CACNA1C: variants seen among roughly 807,000 people sequenced by gnomAD.
CACNA1C encodes the protein calcium voltage-gated channel subunit alpha1 C.
CACNA1C carries 30 observed loss-of-function variants against 229.0 expected under a neutral mutation model. That is an observed-to-expected ratio of 0.13 (90% CI 0.10 to 0.18). The LOEUF (loss-of-function observed/expected upper bound fraction) is 0.18, where lower values mean the gene tolerates loss of function less well. Ranked by LOEUF, CACNA1C falls within the 10% of genes least tolerant of loss-of-function variation. The probability of loss-of-function intolerance (pLI) is 1.00; values close to 1 mark genes in which losing one functional copy is unlikely to be tolerated. For synonymous variants in CACNA1C, 1,114 were observed against 1,132.5 expected, an observed-to-expected ratio of 0.98 and a Z score of 0.33; for missense variants, 1,658 against 2,845.0, an observed-to-expected ratio of 0.58 and a Z score of 9.49.
chr12:2,540,226 G>A (rs1307748381), intron 9 of CACNA1C, among the ~76,000 whole-genome samples: 2 of 152,140 alleles, frequency 1.3e-5, no homozygotes, highest in Admixed American at 6.5e-5. Flanking sequence ...GTGGGTCTGA[G>A]GACAGACTCT....
intron 1 of CACNA1C, among the ~76,000 whole-genome samples, chr12:2,098,966 A>G (rs555058419): frequency 6.6e-6 from 1 of 152,326 alleles, no homozygotes; most frequent in South Asian, 2.1e-4. Flanking sequence ...AGCACTGCTC[A>G]CCGTGTGAGG....
chr12:2,508,442 G>A (rs2099776570), intron 8 of CACNA1C, among the ~76,000 whole-genome samples: 1 of 152,226 alleles, frequency 6.6e-6, no homozygotes, highest in African/African-American at 2.4e-5. Flanking sequence ...GCGAAGCTAG[G>A]AGTTTGAGAT....
At chr12:2,489,232 A>T (rs1478474808) in intron 6 of CACNA1C, among the ~76,000 whole-genome samples, 1 of 152,166 alleles carries the variant, frequency 6.6e-6, no homozygotes, top group Non-Finnish European at 1.5e-5. Context: ...TTTACATCAA[A>T]TTCTTTTTAT....
intron 10 of CACNA1C, among the ~76,000 whole-genome samples, chr12:2,554,019 A>G (rs4765955): frequency 0.89 from 135,286 of 152,232 alleles, 60,627 homozygotes; most frequent in Non-Finnish European, 0.95. Flanking sequence ...TCTGACTTAT[A>G]TTAAAGGCGA....
chr12:2,597,035 G>A lies in CACNA1C; in HGVS notation c.2794-195G>A, dbSNP rs1004478222. The stretch of plus-strand genomic sequence containing the variant: ...GAAGCCGCTGTGCTGCCTGAGGCTA[G>A]CCCCGCCTCAGGATGTCTGTGTGTG... On this transcript the variant is annotated intron_variant, in intron 20 of 46. Transcript: ENST00000399655. This position sits in a 1 kb window ranked among gnomAD's most constrained non-coding sequence, Gnocchi z 4.3. 4.6e-5 allele frequency among the ~76,000 whole-genome samples: 7 copies of A among 152,114 alleles called. No individual in the cohort carries two copies. Among genetic ancestry groups the A allele is most frequent in the Admixed American group, 3.9e-4 (6 of 15,274 alleles).
At position 2,522,562 on chromosome 12, in the gene CACNA1C, T is replaced by A. The variant is rs140031233; in HGVS notation, c.1390+9578T>A. ...TTTGGAAGGAGTTAGAATTATATAG[T>A]CCCAGGAGAAGAGAAAGCCGGGAGT... On this transcript the variant is annotated intron_variant, in intron 9 of 46. Coordinates refer to ENST00000399655, the MANE Select transcript of CACNA1C (RefSeq NM_000719.7). Among the ~76,000 whole-genome samples the A allele has an allele frequency of 2.1e-3, 327 of 152,108 alleles. 1 individual carries two copies. The highest frequency in any genetic ancestry group is 7.6e-3 in the African/African-American group (316 of 41,486).
intron 3 of CACNA1C, among the ~76,000 whole-genome samples, chr12:2,375,251 A>G (rs1567315524): frequency 6.6e-6 from 1 of 152,188 alleles, no homozygotes; most frequent in Non-Finnish European, 1.5e-5. Context: ...AAGGGCTGGC[A>G]TCTTCCCTGT....
intron 11 of CACNA1C, among the ~76,000 whole-genome samples, chr12:2,560,466 G>C (rs4765962): frequency 0.86 from 130,425 of 152,204 alleles, 56,252 homozygotes; most frequent in Non-Finnish European, 0.91. Context: ...TGGTAATCCA[G>C]GTTTTCACTT....
At chr12:2,604,757 T>C (rs1049858526) in intron 22 of CACNA1C, among the ~76,000 whole-genome samples, 2 of 152,246 alleles carry the variant, frequency 1.3e-5, no homozygotes, top group Non-Finnish European at 2.9e-5. Flanking sequence ...TGAATTCCCA[T>C]GGCCTTGCTC....
chr12:2,337,933 C>G (rs937256535), intron 3 of CACNA1C, among the ~76,000 whole-genome samples: 1 of 152,190 alleles, frequency 6.6e-6, no homozygotes, highest in Non-Finnish European at 1.5e-5. Context: ...CTGTAGTATC[C>G]CACAGGCAGC....
intron 1 of CACNA1C, among the ~76,000 whole-genome samples, chr12:2,005,813 A>T (rs538917657): frequency 3.6e-4 from 55 of 152,388 alleles, no homozygotes; most frequent in African/African-American, 1.2e-3. Context: ...TTTTTAATGT[A>T]ACAGTATGAA....
At position 2,136,136 on chromosome 12, in the gene CACNA1C, G is replaced by A. The variant is rs531791215; in HGVS notation, c.477+15706G>A. Among the ~76,000 whole-genome samples, 218 of 151,528 alleles carry A rather than the reference G, an allele frequency of 1.4e-3. 9 individuals carry two copies. The highest frequency in any genetic ancestry group is 2.2e-3 in the Non-Finnish European group (147 of 67,662). On this transcript the variant is annotated intron_variant, in intron 3 of 46. Transcript: ENST00000399655. Reference sequence around the variant, plus strand: ...ACTCCCTGACCGCTTGCGCTTCCCAGGTGAGGCAATGCCTCGCCCTGCTTT... The same window carrying A: ...ACTCCCTGACCGCTTGCGCTTCCCAAGTGAGGCAATGCCTCGCCCTGCTTT...
chr12:2,194,039 G>A (rs867889231), intron 3 of CACNA1C, among the ~76,000 whole-genome samples: 21 of 152,156 alleles, frequency 1.4e-4, no homozygotes, highest in Middle Eastern at 6.8e-3. Context: ...TGGACCCCAG[G>A]CAGTAAGAGG....
rs1437448208 is a variant in CACNA1C, at chr12:2,651,723, G to A, written c.4029G>A (p.Gly1343=). 1 of 1,613,822 alleles carries A rather than the reference G, an allele frequency of 6.2e-7. No individual in the cohort carries two copies. The highest frequency in any genetic ancestry group is 8.5e-7 in the Non-Finnish European group (1 of 1,179,804). The part of the protein sequence containing the change: ...VMRLVKLLSR[G]EGIRTLLWTF... The stretch of plus-strand genomic sequence containing the variant: ...GTCTGGTGAAGCTGCTGAGCCGTGG[G>A]GAGGGCATCCGGACGCTGCTGTGGA... The change falls in exon 32 of 47, where the codon GGG becomes GGA. Residue 1343 remains glycine, a synonymous_variant. Transcript: ENST00000399655. This position sits in a 1 kb window ranked among gnomAD's most constrained non-coding sequence, Gnocchi z 5.4.
intron 3 of CACNA1C, among the ~76,000 whole-genome samples, chr12:2,176,621 G>A (rs1179203986): frequency 6.6e-6 from 1 of 152,008 alleles, no homozygotes; most frequent in Non-Finnish European, 1.5e-5. Context: ...GGTTCTCTGT[G>A]CATGTGGCAT....
intron 1 of CACNA1C, among the ~76,000 whole-genome samples, chr12:1,985,879 T>C (rs919618085): frequency 2.6e-5 from 4 of 152,120 alleles, no homozygotes; most frequent in African/African-American, 9.7e-5. Context: ...GGTGCGATCT[T>C]GGCTCACTGC....
chr12:2,512,951 G>A lies in CACNA1C; in HGVS notation c.1357G>A (p.Asp453Asn). 1 of 1,609,758 alleles carries A rather than the reference G, an allele frequency of 6.2e-7. No individual in the cohort carries two copies. The highest frequency in any genetic ancestry group is 8.5e-7 in the Non-Finnish European group (1 of 1,178,040). The change falls in exon 9 of 47, where the codon GAC becomes AAC. Residue 453 changes from aspartate to asparagine, a missense_variant. Physicochemically the swap from Asp to Asn is conservative, Grantham distance 23. Around this residue, in one of 20 missense-constraint regions of CACNA1C, gnomAD observed 149 missense variants for 194.2 expected, o/e 0.77. Transcript: ENST00000399655. This position sits in a 1 kb window ranked among gnomAD's most constrained non-coding sequence, Gnocchi z 4.3. ...QAEDIDPENEDEGMDEEKPRN... is the reference protein window; with the variant it reads ...QAEDIDPENENEGMDEEKPRN... ...CGAAGACATCGATCCTGAGAATGAG[G>A]ACGAAGGCATGGATGAGGAGAAGCC...
intron 1 of CACNA1C, among the ~76,000 whole-genome samples, chr12:2,101,937 C>T (rs549304495): frequency 1.3e-5 from 2 of 152,262 alleles, no homozygotes; most frequent in South Asian, 4.1e-4. Context: ...GACCAAAGTC[C>T]AAGTAATTAC....
intron 3 of CACNA1C, among the ~76,000 whole-genome samples, chr12:2,407,996 G>A (rs1223872626): frequency 4.6e-5 from 7 of 152,198 alleles, no homozygotes; most frequent in South Asian, 2.1e-4. Flanking sequence ...GAACCTCAAC[G>A]TCCATCCTCA....
Sources: gnomAD v4.1 joint callset for allele counts (sites outside exome capture counted in the v4.1 genomes callset) on GRCh38, gnomAD v4.1.1 for gene constraint, gnomAD v4.1.1 regional missense constraint, Gnocchi (gnomAD v3.1) non-coding constraint, MANE v1.5 for transcripts, NCBI Gene and HGNC (gene_info 2026-07-23, HGNC 2026-07-21) for gene names.